Variants in CHCHD6 observed in about 807,000 individuals in gnomAD.
The protein encoded by CHCHD6 is MICOS complex subunit MIC25.
A neutral mutation model predicts 32.3 loss-of-function variants in CHCHD6; 28 were observed. That is an observed-to-expected ratio of 0.87 (90% confidence interval 0.64 to 1.19). CHCHD6 has a LOEUF of 1.19. CHCHD6 is among the 50% of genes most tolerant of loss of function. CHCHD6 has a pLI of 0.00. For synonymous variants in CHCHD6, 122 were observed against 117.5 expected, an observed-to-expected ratio of 1.04 and a Z score of -0.25; for missense variants, 333 against 307.0, an observed-to-expected ratio of 1.08 and a Z score of -0.63.
chr3:126,776,657 A>G (rs983669491), intron 4 of CHCHD6, among the ~76,000 whole-genome samples: 1 of 152,234 alleles, frequency 6.6e-6, no homozygotes, highest in Admixed American at 6.5e-5. Context: ...TTTACTTTAC[A>G]TATAATCATT....
intron 6 of CHCHD6, among the ~76,000 whole-genome samples, chr3:126,942,051 G>T (rs142479058): frequency 6.0e-4 from 91 of 152,272 alleles, no homozygotes; most frequent in African/African-American, 1.7e-3. Context: ...AAAGTGCAGG[G>T]CTTTCATCTG....
intron 6 of CHCHD6, among the ~76,000 whole-genome samples, chr3:126,950,274 A>T (rs1328915833): frequency 2.6e-5 from 4 of 152,300 alleles, no homozygotes; most frequent in Non-Finnish European, 5.9e-5. Context: ...GCAGAGATAA[A>T]GGCTGCACAG....
At chr3:126,809,630 C>A (rs908514978) in intron 4 of CHCHD6, among the ~76,000 whole-genome samples, 1 of 152,172 alleles carries the variant, frequency 6.6e-6, no homozygotes, top group Non-Finnish European at 1.5e-5. Flanking sequence ...TTAATTAGGG[C>A]ACAAAGAAGA....
intron 1 of CHCHD6, among the ~76,000 whole-genome samples, chr3:126,706,231 TTGAG>T (rs571226042): frequency 4.6e-5 from 7 of 152,186 alleles, no homozygotes; most frequent in Admixed American, 2.0e-4. Flanking sequence ...CTCATGTTTT[TTGAG>T]TATTATATAA....
chr3:126,824,113 T>A (rs1940275195), intron 4 of CHCHD6, among the ~76,000 whole-genome samples: 1 of 152,096 alleles, frequency 6.6e-6, no homozygotes, highest in African/African-American at 2.4e-5. Context: ...ATAGTGCATA[T>A]TTTTCTCTTA....
At chr3:126,942,190 G>A (rs1438719816) in intron 6 of CHCHD6, among the ~76,000 whole-genome samples, 1 of 152,170 alleles carries the variant, frequency 6.6e-6, no homozygotes, top group Non-Finnish European at 1.5e-5. Context: ...AGGTTCAAGA[G>A]GCCACCTGTC....
At chr3:126,910,746 A>G (rs1394409853) in intron 5 of CHCHD6, among the ~76,000 whole-genome samples, 2 of 152,182 alleles carry the variant, frequency 1.3e-5, no homozygotes, top group African/African-American at 2.4e-5. Context: ...CAGGGTATTC[A>G]TTCCTACTAC....
At chr3:126,730,525 G>T in intron 2 of CHCHD6, 36 bp from the exon 3 acceptor site, 1 of 1,586,674 alleles carries the variant, frequency 6.3e-7, no homozygotes, top group African/African-American at 1.3e-5. Context: ...ACCCTGGGGT[G>T]CCACTGACAG....
intron 5 of CHCHD6, among the ~76,000 whole-genome samples, chr3:126,896,281 A>T (rs2077837726): frequency 6.6e-6 from 1 of 152,168 alleles, no homozygotes; most frequent in African/African-American, 2.4e-5. Flanking sequence ...CCTGGAGGGC[A>T]TATGTTCTCT....
chr3:126,880,778 CT>C (rs112827676), intron 5 of CHCHD6, among the ~76,000 whole-genome samples: 2 of 152,006 alleles, frequency 1.3e-5, no homozygotes, highest in African/African-American at 4.8e-5. Flanking sequence ...AAAAACATCT[CT>C]TTTTTTTCAT....
At chr3:126,894,672 G>C (rs914436080) in intron 5 of CHCHD6, among the ~76,000 whole-genome samples, 9 of 152,152 alleles carry the variant, frequency 5.9e-5, no homozygotes, top group African/African-American at 2.2e-4. Flanking sequence ...GGCAGACTGA[G>C]TGTGAGCACC....
At chr3:126,900,039 T>C (rs1436038388) in intron 5 of CHCHD6, among the ~76,000 whole-genome samples, 1 of 152,250 alleles carries the variant, frequency 6.6e-6, no homozygotes, top group Admixed American at 6.5e-5. Flanking sequence ...ATTTGTTAAA[T>C]TGTACGTTTG....
intron 4 of CHCHD6, among the ~76,000 whole-genome samples, chr3:126,755,812 A>G (rs1386690521): frequency 6.7e-6 from 1 of 150,286 alleles, no homozygotes; most frequent in Non-Finnish European, 1.5e-5. Context: ...ACTGTTGTCT[A>G]TGTGTGTGTG....
intron 4 of CHCHD6, among the ~76,000 whole-genome samples, chr3:126,797,028 T>C (rs1938825105): frequency 2.0e-5 from 3 of 152,166 alleles, no homozygotes; most frequent in African/African-American, 7.2e-5. Context: ...CTTAGTGTTT[T>C]TCAGAGGCTT....
intron 5 of CHCHD6, among the ~76,000 whole-genome samples, chr3:126,853,766 C>T (rs1020682619): frequency 1.3e-4 from 20 of 152,120 alleles, no homozygotes; most frequent in Admixed American, 1.3e-3. Flanking sequence ...AGCTGCTTTC[C>T]GAGTGGCCCT....
chr3:126,754,765 C>T lies in CHCHD6; in HGVS notation c.411+21543C>T, dbSNP rs78542837. On this transcript the variant is annotated intron_variant, in intron 4 of 7. Coordinates refer to ENST00000290913, the MANE Select transcript of CHCHD6 (RefSeq NM_032343.3). ...GATGAATTTTGTTTTTAGTCCCCATCGAATCCACTTGCCACCTTTTCTAGC... is the reference window on the plus strand; with the variant it reads ...GATGAATTTTGTTTTTAGTCCCCATTGAATCCACTTGCCACCTTTTCTAGC... Among the ~76,000 whole-genome samples the T allele has an allele frequency of 1.1e-3, 165 of 152,324 alleles. 1 individual carries two copies. The highest frequency in any genetic ancestry group is 3.6e-3 in the African/African-American group (149 of 41,574).
intron 5 of CHCHD6, among the ~76,000 whole-genome samples, chr3:126,893,853 G>A (rs989192935): frequency 1.3e-5 from 2 of 152,228 alleles, no homozygotes; most frequent in African/African-American, 4.8e-5. Context: ...GGGAGAAGCA[G>A]CCAGCTCCTG....
At chr3:126,742,430 C>G (rs1374881222) in intron 4 of CHCHD6, among the ~76,000 whole-genome samples, 3 of 152,170 alleles carry the variant, frequency 2.0e-5, no homozygotes, top group South Asian at 2.1e-4. Flanking sequence ...TTCTTGTTTC[C>G]TGTCCACTTC....
chr3:126,718,022 C>T (rs1479092510), intron 1 of CHCHD6, among the ~76,000 whole-genome samples: 1 of 152,142 alleles, frequency 6.6e-6, no homozygotes, highest in African/African-American at 2.4e-5. Flanking sequence ...AGGCCCCTTT[C>T]CTTGGTGTCC....
Sources: gnomAD v4.1 joint callset for allele counts (sites outside exome capture counted in the v4.1 genomes callset) on GRCh38, gnomAD v4.1.1 for gene constraint, MANE v1.5 for transcripts, NCBI Gene and HGNC (gene_info 2026-07-23, HGNC 2026-07-21) for gene names.